The following ZNFX1 variants were observed in gnomAD, a reference collection of about 807,000 sequenced individuals.
ZNFX1 encodes zinc finger NFX1-type containing 1.
In ZNFX1, 78 loss-of-function variants were observed where a neutral mutation model predicts 179.8. The ratio of observed to expected loss-of-function variants is 0.43; its 90% CI spans 0.36 to 0.52. The LOEUF (loss-of-function observed/expected upper bound fraction) is 0.52, where lower values mean the gene tolerates loss of function less well. Ranked by LOEUF, ZNFX1 falls within the 20% of genes least tolerant of loss-of-function variation. The pLI, the probability that ZNFX1 is intolerant of heterozygous loss-of-function variation, is 0.00. For missense variants in ZNFX1, 1,927 were observed against 2,386.6 expected, an observed-to-expected ratio of 0.81 and a Z score of 4.01; for synonymous variants, 848 against 868.5, an observed-to-expected ratio of 0.98 and a Z score of 0.42.
chr20:49,264,399 G>A (rs1238236354), intron 5 of ZNFX1, among the ~76,000 whole-genome samples: 2 of 152,082 alleles, frequency 1.3e-5, no homozygotes, highest in Non-Finnish European at 2.9e-5. Context: ...TTTTTGACTG[G>A]GCACATTGCT....
In ZNFX1 at chr20:49,275,870, T is replaced by C. The variant is rs1235702818; in HGVS notation, c.-31A>G. 1 of 1,612,938 alleles carries C rather than the reference T, an allele frequency of 6.2e-7. No individual in the cohort carries two copies. The highest frequency in any genetic ancestry group is 8.5e-7 in the Non-Finnish European group (1 of 1,178,952). On this transcript the variant is annotated 5_prime_UTR_variant, in exon 2 of 14. Coordinates refer to ENST00000396105, the MANE Select transcript of ZNFX1 (RefSeq NM_021035.3). Reference sequence around the variant, plus strand: ...AGTCACCTGAATTCCTTCACGTTACTTTCTGTTATCTGGAAAACTGCACAT... The same window carrying C: ...AGTCACCTGAATTCCTTCACGTTACCTTCTGTTATCTGGAAAACTGCACAT...
rs1980661219 is a variant in ZNFX1, at chr20:49,245,990, TA to T, written c.*1276del. On this transcript the variant is annotated 3_prime_UTR_variant, in exon 14 of 14. Transcript: ENST00000396105. ...AATGCATACATAGGAAAGGGACACTTAGAAAGGACCTGAGATACCTAAATGT... is the reference window on the plus strand; with the variant it reads ...AATGCATACATAGGAAAGGGACACTTGAAAGGACCTGAGATACCTAAATGT... 1 of 152,592 alleles carries T rather than the reference TA, an allele frequency of 6.6e-6. No homozygotes were observed. The highest frequency in any genetic ancestry group is 2.4e-5 in the African/African-American group (1 of 41,432). The allele number at this position is 152,592 out of a possible 1,614,324, so 9.5% of individuals were successfully genotyped here.
At chr20:49,253,245 G>A (rs1320771244) in intron 11 of ZNFX1, among the ~76,000 whole-genome samples, 1 of 152,168 alleles carries the variant, frequency 6.6e-6, no homozygotes, top group African/African-American at 2.4e-5. Flanking sequence ...TAAGAAGCTT[G>A]ATTTTTATGC....
intron 4 of ZNFX1, 34 bp downstream of exon 4, chr20:49,266,101 C>G (rs571746271): frequency 1.2e-6 from 2 of 1,600,148 alleles, no homozygotes; most frequent in Admixed American, 1.8e-5. Context: ...TCATCAACAT[C>G]TTGATAGAGA....
At chr20:49,251,732 T>C in intron 12 of ZNFX1, 110 bp from the exon 13 acceptor site, 1 of 798,596 alleles carries the variant, frequency 1.3e-6, no homozygotes, top group Admixed American at 2.9e-5. Context: ...TTGTGATGGC[T>C]TGTATCTGTA....
intron 7 of ZNFX1, among the ~76,000 whole-genome samples, chr20:49,259,195 A>G (rs1334119802): frequency 2.0e-5 from 3 of 151,842 alleles, no homozygotes; most frequent in Non-Finnish European, 2.9e-5. Context: ...TACATATACA[A>G]TGGAGGGCAT....
chr20:49,271,211 G>C lies in ZNFX1; in HGVS notation c.601C>G (p.Arg201Gly), dbSNP rs745488551. Residue 201 changes from arginine (R) to glycine (G), a missense_variant, in exon 3 of 14, where the codon CGC becomes GGC. Physicochemically the swap from Arg to Gly is moderately radical, Grantham distance 125. Coordinates refer to ENST00000396105, the MANE Select transcript of ZNFX1 (RefSeq NM_021035.3). ...CCCAGTACATGGAGAACACTCTGGC[G>C]ATCCATTTTGGAGCTACAAGCCTTC... Reference protein sequence around the residue: ...LRKACSSKMDRQSVLHVLGIL... With the variant: ...LRKACSSKMDGQSVLHVLGIL... 1 of 1,614,106 alleles carries C rather than the reference G, an allele frequency of 6.2e-7. No individual in the cohort carries two copies. Among genetic ancestry groups the C allele is most frequent in the East Asian group, 2.2e-5 (1 of 44,882 alleles).
At chr20:49,257,768 C>A in intron 7 of ZNFX1, 104 bp from the exon 8 acceptor site, 1 of 1,443,368 alleles carries the variant, frequency 6.9e-7, no homozygotes, top group Non-Finnish European at 9.0e-7. Context: ...GTGGTGCGAT[C>A]TTGGCTCATT....
At chr20:49,255,748 A>G in intron 9 of ZNFX1, 60 bp downstream of exon 9, 4 of 1,534,788 alleles carry the variant, frequency 2.6e-6, no homozygotes, top group Non-Finnish European at 3.5e-6. Context: ...GAGGTGGAGA[A>G]TGTTCTAGGA....
In ZNFX1 at chr20:49,271,188, C is replaced by T. The variant is rs1568987338; in HGVS notation, c.624G>A (p.Leu208=). Residue 208 remains leucine (L), a synonymous_variant, in exon 3 of 14, where the codon CTG becomes CTA. Transcript: ENST00000396105. The part of the protein sequence containing the change: ...KMDRQSVLHV[L]GILKNSKFLK... ...GAAATTTGGAGTTTTTCAATATGCCCAGTACATGGAGAACACTCTGGCGAT... is the reference window on the plus strand; with the variant it reads ...GAAATTTGGAGTTTTTCAATATGCCTAGTACATGGAGAACACTCTGGCGAT... 3 of 1,614,046 alleles carry T rather than the reference C, an allele frequency of 1.9e-6. No individual in the cohort carries two copies. The South Asian group carries it at 3.3e-5, about 18-fold the overall frequency.
At chr20:49,259,414 A>G (rs1361705591) in intron 7 of ZNFX1, among the ~76,000 whole-genome samples, 1 of 150,852 alleles carries the variant, frequency 6.6e-6, no homozygotes, top group Non-Finnish European at 1.5e-5. Flanking sequence ...TGTCTAGTAT[A>G]TATGTTTCCA....
rs1422196088 is a variant in ZNFX1 at position 49,270,775 on chromosome 20, T to C, written c.1037A>G (p.His346Arg). The C allele has an allele frequency of 1.2e-6, 2 of 1,614,046 alleles. No individual in the cohort carries two copies. The highest frequency in any genetic ancestry group is 1.6e-4 in the Middle Eastern group (1 of 6,084). Reference sequence around the variant, plus strand: ...GCGAAGGAAGGGCCTCTCATCCAAGTGCACTTCATTGTAGGTAGGGTAAAT... The same window carrying C: ...GCGAAGGAAGGGCCTCTCATCCAAGCGCACTTCATTGTAGGTAGGGTAAAT... ...MPIYPTYNEVHLDERPFLRPN... is the reference protein window; with the variant it reads ...MPIYPTYNEVRLDERPFLRPN... Residue 346 changes from histidine (H) to arginine (R), a missense_variant, in exon 3 of 14, where the codon CAC becomes CGC. Coordinates refer to ENST00000396105, the MANE Select transcript of ZNFX1 (RefSeq NM_021035.3). This position sits in a 1 kb window ranked among gnomAD's most constrained non-coding sequence, Gnocchi z 4.6.
chr20:49,248,151 G>C lies in ZNFX1; in HGVS notation c.4873C>G (p.Pro1625Ala). The C allele has an allele frequency of 1.9e-6, 3 of 1,614,114 alleles. 1 individual carries two copies. Among genetic ancestry groups the C allele is most frequent in the South Asian group, 2.2e-5 (2 of 91,076 alleles). The change falls in exon 14 of 14, where the codon CCC becomes GCC. Residue 1625 changes from proline (P) to alanine (A), a missense_variant. Pro to Ala is a conservative substitution (Grantham distance 27). Coordinates refer to ENST00000396105, the MANE Select transcript of ZNFX1 (RefSeq NM_021035.3). This position sits in a 1 kb window ranked among gnomAD's most constrained non-coding sequence, Gnocchi z 4.6. ...CCATACCTCAGGTTTTTGCGGATGGGCACCTGGCAGATAGGGCAGACTTTC... is the reference window on the plus strand; with the variant it reads ...CCATACCTCAGGTTTTTGCGGATGGCCACCTGGCAGATAGGGCAGACTTTC... ...RLKVCPICQV[P>A]IRKNLRYGTS...
chr20:49,274,151 G>A (rs1981493748), intron 2 of ZNFX1, among the ~76,000 whole-genome samples: 1 of 152,184 alleles, frequency 6.6e-6, no homozygotes, highest in Non-Finnish European at 1.5e-5. Flanking sequence ...TTCACGATCT[G>A]CACTATCCAA....
chr20:49,248,116 T>G lies in ZNFX1; in HGVS notation c.4908A>C (p.Ile1636=). Residue 1636 remains isoleucine (I), a synonymous_variant, in exon 14 of 14, where the codon ATA becomes ATC. Coordinates refer to ENST00000396105, the MANE Select transcript of ZNFX1 (RefSeq NM_021035.3). The surrounding 1 kb of genome is among the most constrained non-coding windows in gnomAD (Gnocchi z 4.6). ...IRKNLRYGTS[I]KQRLEEIEII... ...TTTCAATCTCTTCTAGCCGCTGTTT[T>G]ATGCTAGTTCCATACCTCAGGTTTT... The G allele has an allele frequency of 2.5e-6, 4 of 1,614,216 alleles. No homozygotes were observed. The highest frequency in any genetic ancestry group is 3.4e-6 in the Non-Finnish European group (4 of 1,180,044).
chr20:49,252,651 C>G, intron 12 of ZNFX1, 69 bp downstream of exon 12: 7 of 1,108,360 alleles, frequency 6.3e-6, no homozygotes, highest in Non-Finnish European at 9.6e-6. Flanking sequence ...ACCTCTTTTG[C>G]TGGCAACTGG....
chr20:49,274,016 C>T (rs993342007), intron 2 of ZNFX1, among the ~76,000 whole-genome samples: 1 of 152,206 alleles, frequency 6.6e-6, no homozygotes, highest in Non-Finnish European at 1.5e-5. Context: ...TTGGAAGACA[C>T]ATTTCAAACT....
At chr20:49,264,379 A>C (rs1396901903) in intron 5 of ZNFX1, among the ~76,000 whole-genome samples, 1 of 152,206 alleles carries the variant, frequency 6.6e-6, no homozygotes, top group Non-Finnish European at 1.5e-5. Flanking sequence ...CTTAGTAATA[A>C]GAACTCAGAT....
In ZNFX1 at chr20:49,248,023, C is replaced by T. The variant is rs772032161; in HGVS notation, c.5001G>A (p.Leu1667=). ...IATSQERLKA[L]LERKSLLHQL... ...GGTGGAGGAGGCTCTTCCTCTCCAG[C>T]AGGGCCTTAAGCCGTTCCTGGCTGG... The change falls in exon 14 of 14, where the codon CTG becomes CTA. Residue 1667 remains leucine, a synonymous_variant. Coordinates refer to ENST00000396105, the MANE Select transcript of ZNFX1 (RefSeq NM_021035.3). This position sits in a 1 kb window ranked among gnomAD's most constrained non-coding sequence, Gnocchi z 4.6. 5.0e-6 allele frequency: 8 copies of T among 1,614,058 alleles called. No homozygotes were observed.
Sources: gnomAD v4.1 joint callset for allele counts (sites outside exome capture counted in the v4.1 genomes callset) on GRCh38, gnomAD v4.1.1 for gene constraint, Gnocchi (gnomAD v3.1) non-coding constraint, MANE v1.5 for transcripts, NCBI Gene and HGNC (gene_info 2026-07-23, HGNC 2026-07-21) for gene names.